BAG2: variants seen among roughly 807,000 people sequenced by gnomAD.
BAG2 encodes the protein BAG family molecular chaperone regulator 2.
BAG2 carries 8 observed loss-of-function variants against 16.4 expected under a neutral mutation model. The observed-to-expected ratio is 0.49, with a 90% CI of 0.29 to 0.88. The LOEUF (loss-of-function observed/expected upper bound fraction) is 0.88. BAG2 is among the 40% of genes least tolerant of loss of function. The pLI, the probability that BAG2 is intolerant of heterozygous loss-of-function variation, is 0.09. For missense variants in BAG2, 218 were observed against 248.9 expected, an observed-to-expected ratio of 0.88 and a Z score of 0.84; for synonymous variants, 82 against 89.2, an observed-to-expected ratio of 0.92 and a Z score of 0.46.
At position 57,183,897 on chromosome 6, in the gene BAG2, A is replaced by C; in HGVS notation, c.343A>C (p.Arg115=). The C allele has an allele frequency of 1.2e-6, 2 of 1,614,156 alleles. No homozygotes were observed. The highest frequency in any genetic ancestry group is 1.7e-6 in the Non-Finnish European group (2 of 1,180,016). Residue 115 remains arginine, a synonymous_variant, in exon 3 of 3, where the codon AGG becomes CGG. Transcript: ENST00000370693. The stretch of plus-strand genomic sequence containing the variant: ...GCAAGAATCCCTAAAGCATGCCACA[A>C]GGATTATTGATGAGGTGGTCAATAA... ...QQQESLKHAT[R]IIDEVVNKFL...
At chr6:57,173,852 T>C (rs1012763081) in intron 1 of BAG2, 1 of 153,366 alleles carries the variant, frequency 6.5e-6, no homozygotes, top group Non-Finnish European at 1.5e-5. Context: ...TGTGTCTTTA[T>C]CTTCCTACAT....
chr6:57,186,643 T>C lies in BAG2; in HGVS notation c.*2453T>C, dbSNP rs1167673496. The C allele has an allele frequency of 6.6e-6, 1 of 152,182 alleles. No individual in the cohort carries two copies. Among genetic ancestry groups the C allele is most frequent in the Non-Finnish European group, 1.5e-5 (1 of 68,036 alleles). 9.4% of individuals were successfully genotyped at this position (152,182 alleles called of 1,614,324 possible). ...TGGGTTGGTTCTTAACATGTATTTT[T>C]ATTTATAAGAATGGGAGTATAATTT... On this transcript the variant is annotated 3_prime_UTR_variant, in exon 3 of 3. Coordinates refer to ENST00000370693, the MANE Select transcript of BAG2 (RefSeq NM_004282.4).
chr6:57,176,756 C>T lies in BAG2; in HGVS notation c.113+3946C>T, dbSNP rs1050224525. 3.6e-4 allele frequency among the ~76,000 whole-genome samples: 55 copies of T among 152,290 alleles called. 1 individual carries two copies. The highest frequency in any genetic ancestry group is 1.3e-3 in the African/African-American group (53 of 41,558). ...TGCCAGTGTTCTAGGAGTCACAAAACAAGATGGCATCATAGTTAATACTGT... is the reference window on the plus strand; with the variant it reads ...TGCCAGTGTTCTAGGAGTCACAAAATAAGATGGCATCATAGTTAATACTGT... On this transcript the variant is annotated intron_variant, in intron 1 of 2. Coordinates refer to ENST00000370693, the MANE Select transcript of BAG2 (RefSeq NM_004282.4).
chr6:57,176,865 C>T (rs1001784571), intron 1 of BAG2, among the ~76,000 whole-genome samples: 1 of 150,598 alleles, frequency 6.6e-6, no homozygotes, highest in Non-Finnish European at 1.5e-5. Flanking sequence ...AGGGCACATA[C>T]TCTCTCTCCT....
chr6:57,179,580 T>C (rs1388347157), intron 1 of BAG2, among the ~76,000 whole-genome samples: 2 of 152,214 alleles, frequency 1.3e-5, no homozygotes, highest in Admixed American at 6.5e-5. Context: ...ATTAGATCTT[T>C]CATGAACTTG....
intron 1 of BAG2, among the ~76,000 whole-genome samples, chr6:57,179,027 T>G (rs1242223925): frequency 6.6e-6 from 1 of 152,246 alleles, no homozygotes; most frequent in Non-Finnish European, 1.5e-5. Context: ...GAAAAGGTGT[T>G]GAAAAATTAA....
At position 57,184,267 on chromosome 6, in the gene BAG2, CTTTG is replaced by C; in HGVS notation, c.*80_*83del. 1 of 1,311,130 alleles carries C rather than the reference CTTTG, an allele frequency of 7.6e-7. No homozygotes were observed. Among genetic ancestry groups the C allele is most frequent in the Non-Finnish European group, 9.9e-7 (1 of 1,012,134 alleles). The allele number at this position is 1,311,130 out of a possible 1,614,324, so 81.2% of individuals were successfully genotyped here. On this transcript the variant is annotated 3_prime_UTR_variant, in exon 3 of 3. Coordinates refer to ENST00000370693, the MANE Select transcript of BAG2 (RefSeq NM_004282.4). Reference sequence around the variant, plus strand: ...ATACTATTTTAATTGATAACTAGTTCTTTGTTAGGTATAACCACTTAGTTGACAC... The same window carrying C: ...ATACTATTTTAATTGATAACTAGTTCTTAGGTATAACCACTTAGTTGACAC...
chr6:57,181,744 TA>T (rs1764456328), intron 1 of BAG2, among the ~76,000 whole-genome samples: 1 of 151,454 alleles, frequency 6.6e-6, no homozygotes, highest in Admixed American at 6.6e-5. Context: ...AGTGAAAAAA[TA>T]AAAACAGAAT....
At position 57,185,824 on chromosome 6, in the gene BAG2, C is replaced by CT. The variant is rs1764601590; in HGVS notation, c.*1635dup. On this transcript the variant is annotated 3_prime_UTR_variant, in exon 3 of 3. Transcript: ENST00000370693. Reference sequence around the variant, plus strand: ...TCAGCATCCGTAAATCCCTTCCACTCTGGGAAATACTACTGCTCCCTGCTT... The same window carrying CT: ...TCAGCATCCGTAAATCCCTTCCACTCTTGGGAAATACTACTGCTCCCTGCTT... The CT allele has an allele frequency of 6.6e-6, 1 of 152,252 alleles. No homozygotes were observed. The highest frequency in any genetic ancestry group is 2.1e-4 in the South Asian group (1 of 4,832). The allele number at this position is 152,252 out of a possible 1,614,324, so 9.4% of individuals were successfully genotyped here. A position where few individuals can be genotyped will look rare whatever the true frequency, so the allele number is the denominator to read the frequency against.
intron 1 of BAG2, chr6:57,173,211 T>TA: frequency 3.0e-6 from 3 of 990,540 alleles, no homozygotes; most frequent in Non-Finnish European, 3.6e-6. Context: ...CGTTTTAACT[T>TA]ACTCTTCTCG....
Position 57,172,822 on chromosome 6 carries a change from G to GCGGGCGGTCT in BAG2, c.113+19_113+28dup, listed in dbSNP as rs1199043991. The GCGGGCGGTCT allele has an allele frequency of 2.1e-5, 31 of 1,504,424 alleles. No individual in the cohort carries two copies. Among genetic ancestry groups the GCGGGCGGTCT allele is most frequent in the Non-Finnish European group, 2.6e-5 (29 of 1,124,324 alleles). 93.2% of individuals were successfully genotyped at this position (1,504,424 alleles called of 1,614,324 possible). ...CAGCTGGAGCTCAGGTGAGCTCCGG[G>GCGGGCGGTCT]CGGGCGGTCTCGGGCGTTCTGCTCG... is the stretch of plus-strand genomic sequence containing the variant. On this transcript the variant is annotated intron_variant, in intron 1 of 2. Transcript: ENST00000370693.
In BAG2 at chr6:57,189,759, T is replaced by C. The variant is rs147029150; in HGVS notation, c.*5569T>C. On this transcript the variant is annotated 3_prime_UTR_variant, in exon 3 of 3. Coordinates refer to ENST00000370693, the MANE Select transcript of BAG2 (RefSeq NM_004282.4). ...GTATGATATTTTTGGCACAAAGCAC[T>C]TTTTAAACCCAAGCTCATTTTGCAA... The C allele has an allele frequency of 6.5e-5, 10 of 152,792 alleles. No individual in the cohort carries two copies. Among genetic ancestry groups the C allele is most frequent in the Admixed American group, 4.6e-4 (7 of 15,298 alleles). 9.5% of individuals were successfully genotyped at this position (152,792 alleles called of 1,614,324 possible). A position where few individuals can be genotyped will look rare whatever the true frequency, so the allele number is the denominator to read the frequency against.
rs1293098970 is a variant in BAG2, at chr6:57,185,727, AT to A, written c.*1544del. The A allele has an allele frequency of 6.6e-6, 1 of 152,160 alleles. No individual in the cohort carries two copies. Among genetic ancestry groups the A allele is most frequent in the Non-Finnish European group, 1.5e-5 (1 of 67,986 alleles). 9.4% of individuals were successfully genotyped at this position (152,160 alleles called of 1,614,324 possible). ...TGTGAGATGATTTTTTGTGTGCATC[AT>A]TTTTTTCTTGACCAGCTTTTTGAAA... On this transcript the variant is annotated 3_prime_UTR_variant, in exon 3 of 3. Coordinates refer to ENST00000370693, the MANE Select transcript of BAG2 (RefSeq NM_004282.4).
rs940752520 is a variant in BAG2 at position 57,188,138 on chromosome 6, A to G, written c.*3948A>G. 3 of 152,202 alleles carry G rather than the reference A, an allele frequency of 2.0e-5. No homozygotes were observed. Among genetic ancestry groups the G allele is most frequent in the Non-Finnish European group, 4.4e-5 (3 of 68,016 alleles). The allele number at this position is 152,202 out of a possible 1,614,324, so 9.4% of individuals were successfully genotyped here. ...AATCTTGGAAAAGTTTTTCTTTAGT[A>G]TACATGGTTTCATAAAATTAAAGTT... On this transcript the variant is annotated 3_prime_UTR_variant, in exon 3 of 3. Coordinates refer to ENST00000370693, the MANE Select transcript of BAG2 (RefSeq NM_004282.4).
chr6:57,177,315 C>G (rs1187524494), intron 1 of BAG2, among the ~76,000 whole-genome samples: 1 of 152,138 alleles, frequency 6.6e-6, no homozygotes, highest in Non-Finnish European at 1.5e-5. Flanking sequence ...ACTCGGGAGG[C>G]TGAGGCAGGA....
Position 57,183,872 on chromosome 6 carries a change from G to A in BAG2, c.318G>A (p.Gln106=). Reference sequence around the variant, plus strand: ...TAGAAACAATTAGAAACCCCCAGCAGCAAGAATCCCTAAAGCATGCCACAA... The same window carrying A: ...TAGAAACAATTAGAAACCCCCAGCAACAAGAATCCCTAAAGCATGCCACAA... ...VSVETIRNPQ[Q]QESLKHATRI... The change falls in exon 3 of 3, where the codon CAG becomes CAA. Residue 106 remains glutamine (Q), a synonymous_variant. Transcript: ENST00000370693. 3 of 1,614,056 alleles carry A rather than the reference G, an allele frequency of 1.9e-6. No individual in the cohort carries two copies. The highest frequency in any genetic ancestry group is 2.5e-6 in the Non-Finnish European group (3 of 1,179,988).
chr6:57,172,730 C>T lies in BAG2; in HGVS notation c.33C>T (p.Asn11=), dbSNP rs748925494. ...AGGCGAAGATCAACGCTAAAGCCAA[C>T]GAGGGGCGCTTCTGCCGCTCCTCCT... The part of the protein sequence containing the change: MAQAKINAKA[N]EGRFCRSSSM... Residue 11 remains asparagine, a synonymous_variant, in exon 1 of 3, where the codon AAC becomes AAT. Coordinates refer to ENST00000370693, the MANE Select transcript of BAG2 (RefSeq NM_004282.4). The T allele has an allele frequency of 5.7e-6, 9 of 1,580,624 alleles. No homozygotes were observed. Among genetic ancestry groups the T allele is most frequent in the South Asian group, 2.3e-5 (2 of 86,006 alleles).
chr6:57,185,033 G>C lies in BAG2; in HGVS notation c.*843G>C, dbSNP rs928929828. ...GTTGCTATTACTGCAACATATTTTT[G>C]TACACAGGACTTTTTCCTTCTTTCA... is the stretch of plus-strand genomic sequence containing the variant. On this transcript the variant is annotated 3_prime_UTR_variant, in exon 3 of 3. Transcript: ENST00000370693. The C allele has an allele frequency of 6.6e-6, 1 of 151,834 alleles. No homozygotes were observed. The highest frequency in any genetic ancestry group is 1.5e-5 in the Non-Finnish European group (1 of 67,970). The allele number at this position is 151,834 out of a possible 1,614,324, so 9.4% of individuals were successfully genotyped here.
At chr6:57,175,833 A>C (rs750071069) in intron 1 of BAG2, among the ~76,000 whole-genome samples, 1 of 152,224 alleles carries the variant, frequency 6.6e-6, no homozygotes, top group Non-Finnish European at 1.5e-5. Flanking sequence ...AAATATAAGT[A>C]AGTGTTTCCC....
Sources: gnomAD v4.1 joint callset for allele counts (sites outside exome capture counted in the v4.1 genomes callset) on GRCh38, gnomAD v4.1.1 for gene constraint, MANE v1.5 for transcripts, NCBI Gene and HGNC (gene_info 2026-07-23, HGNC 2026-07-21) for gene names.